The following NR3C2 variants were observed in gnomAD, a reference collection of about 807,000 sequenced individuals.
The protein encoded by NR3C2 is nuclear receptor subfamily 3 group C member 2.
In NR3C2, 15 loss-of-function variants were observed where a neutral mutation model predicts 86.4. The observed-to-expected ratio is 0.17, with a 90% CI of 0.12 to 0.27. The LOEUF is 0.27. Ranked by LOEUF, NR3C2 falls within the 10% of genes least tolerant of loss-of-function variation. NR3C2 has a pLI of 1.00. For synonymous variants in NR3C2, 458 were observed against 450.5 expected (o/e 1.02, Z -0.21); for missense variants, 960 against 1,195.6 (o/e 0.80, Z 2.91).
chr4:148,332,837 C>G (rs530619427), intron 2 of NR3C2, among the ~76,000 whole-genome samples: 19 of 152,168 alleles, frequency 1.2e-4, no homozygotes, highest in Non-Finnish European at 2.8e-4. Context: ...CCAAAGAGTT[C>G]TTTTGGAGGG....
At chr4:148,170,531 G>T (rs1735075614) in intron 4 of NR3C2, among the ~76,000 whole-genome samples, 1 of 151,952 alleles carries the variant, frequency 6.6e-6, no homozygotes, top group East Asian at 1.9e-4. Flanking sequence ...TTTTGAATCT[G>T]GCAATACCTG....
chr4:148,191,615 C>T lies in NR3C2; in HGVS notation c.2014+3131G>A, dbSNP rs200030795. On this transcript the variant is annotated intron_variant, in intron 4 of 8. Transcript: ENST00000358102. The stretch of plus-strand genomic sequence containing the variant: ...AGAATTCTCTTCTTCCTCAAGTACA[C>T]CGATTATTCTTACGTTTGGCTATTT... Among the ~76,000 whole-genome samples, 9 of 152,208 alleles carry T rather than the reference C, an allele frequency of 5.9e-5. No homozygotes were observed. In the East Asian group the frequency reaches 1.7e-3, roughly 29 times the overall value.
intron 2 of NR3C2, among the ~76,000 whole-genome samples, chr4:148,424,974 C>A (rs1157537363): frequency 6.6e-6 from 1 of 152,020 alleles, no homozygotes; most frequent in Non-Finnish European, 1.5e-5. Context: ...TGGAATATAT[C>A]ATTACCAACT....
chr4:148,216,406 A>T (rs557937416), intron 3 of NR3C2, among the ~76,000 whole-genome samples: 2 of 152,316 alleles, frequency 1.3e-5, no homozygotes, highest in African/African-American at 4.8e-5. Context: ...AAACAGTCTT[A>T]GCATCTCCAT....
intron 3 of NR3C2, among the ~76,000 whole-genome samples, chr4:148,230,075 C>T (rs1397986348): frequency 1.3e-5 from 2 of 152,212 alleles, no homozygotes; most frequent in Non-Finnish European, 2.9e-5. Context: ...GGACAATTCT[C>T]TCTCTCTTCC....
chr4:148,264,165 T>C (rs1423090936), intron 2 of NR3C2, among the ~76,000 whole-genome samples: 2 of 152,192 alleles, frequency 1.3e-5, no homozygotes, highest in Admixed American at 6.5e-5. Flanking sequence ...CAGACTATTG[T>C]CAAAAGCTCA....
rs553995203 is a variant in NR3C2 at position 148,154,701 on chromosome 4, C to T, written c.2215G>A (p.Val739Ile). 20 of 1,612,826 alleles carry T rather than the reference C, an allele frequency of 1.2e-5. No homozygotes were observed. The highest frequency in any genetic ancestry group is 5.5e-5 in the South Asian group (5 of 91,018). ...TISRALTPSP[V>I]MVLENIEPEI... The stretch of plus-strand genomic sequence containing the variant: ...GGTTCAATGTTTTCAAGGACCATAA[C>T]GGGGGAAGGTGTGAGCGCTCGTGAG... The change falls in exon 5 of 9, where the codon GTT becomes ATT. Residue 739 changes from valine (V) to isoleucine (I), a missense_variant. Around this residue, in one of 4 missense-constraint regions of NR3C2, gnomAD observed 82 missense variants for 73.0 expected, o/e 1.12. Coordinates refer to ENST00000358102, the MANE Select transcript of NR3C2 (RefSeq NM_000901.5).
Position 148,441,012 on chromosome 4 carries a change from C to G in NR3C2, c.-3+1148G>C, listed in dbSNP as rs747874162. Among the ~76,000 whole-genome samples, 7 of 152,306 alleles carry G rather than the reference C, an allele frequency of 4.6e-5. 1 individual carries two copies. Among genetic ancestry groups the G allele is most frequent in the Non-Finnish European group, 2.9e-5 (2 of 68,032 alleles). On this transcript the variant is annotated intron_variant, in intron 1 of 8. Coordinates refer to ENST00000358102, the MANE Select transcript of NR3C2 (RefSeq NM_000901.5). The stretch of plus-strand genomic sequence containing the variant: ...AGTTGTAAAAGTTCACTATATGTAA[C>G]TATTTTTTGTCATTCCCCACTACAT...
At chr4:148,357,542 A>T (rs1251344968) in intron 2 of NR3C2, among the ~76,000 whole-genome samples, 1 of 152,144 alleles carries the variant, frequency 6.6e-6, no homozygotes, top group Admixed American at 6.5e-5. Context: ...TGCAAATATA[A>T]TGCTACACAT....
intron 4 of NR3C2, among the ~76,000 whole-genome samples, chr4:148,160,635 G>A (rs1410106531): frequency 6.6e-6 from 1 of 152,132 alleles, no homozygotes; most frequent in Non-Finnish European, 1.5e-5. Context: ...TGTGATTGCA[G>A]AAATGCTTCA....
chr4:148,319,452 A>C (rs1487049987), intron 2 of NR3C2, among the ~76,000 whole-genome samples: 2 of 151,640 alleles, frequency 1.3e-5, no homozygotes, highest in Non-Finnish European at 2.9e-5. Flanking sequence ...CATTGAATCT[A>C]TAAATTACCT....
At chr4:148,159,869 T>G (rs1734576370) in intron 4 of NR3C2, among the ~76,000 whole-genome samples, 1 of 152,208 alleles carries the variant, frequency 6.6e-6, no homozygotes, top group Non-Finnish European at 1.5e-5. Flanking sequence ...CTTACCACTA[T>G]TTAGCACCTT....
chr4:148,185,723 T>G (rs1290290064), intron 4 of NR3C2, among the ~76,000 whole-genome samples: 1 of 152,200 alleles, frequency 6.6e-6, no homozygotes, highest in Non-Finnish European at 1.5e-5. Context: ...AAATAGCATA[T>G]TTTGTATGCT....
chr4:148,162,717 G>A (rs1419615778), intron 4 of NR3C2, among the ~76,000 whole-genome samples: 1 of 152,172 alleles, frequency 6.6e-6, no homozygotes. Flanking sequence ...GTGCCCTCCG[G>A]CATCTCTTAG....
At chr4:148,253,727 G>T (rs995242274) in intron 3 of NR3C2, among the ~76,000 whole-genome samples, 3 of 151,846 alleles carry the variant, frequency 2.0e-5, no homozygotes, top group East Asian at 1.9e-4. Flanking sequence ...CCTAACAATG[G>T]TTTTTTTCCC....
At chr4:148,088,680 C>G (rs1314712154) in intron 8 of NR3C2, among the ~76,000 whole-genome samples, 2 of 143,534 alleles carry the variant, frequency 1.4e-5, no homozygotes, top group Non-Finnish European at 3.0e-5. Context: ...CACATGGACA[C>G]AGGGAGGGGA....
intron 2 of NR3C2, among the ~76,000 whole-genome samples, chr4:148,399,749 A>G (rs1375182375): frequency 6.6e-6 from 1 of 151,970 alleles, no homozygotes; most frequent in Non-Finnish European, 1.5e-5. Context: ...AGATATTAAT[A>G]TTTTAGGCAT....
At chr4:148,422,765 T>C (rs1749342735) in intron 2 of NR3C2, among the ~76,000 whole-genome samples, 2 of 152,326 alleles carry the variant, frequency 1.3e-5, no homozygotes, top group South Asian at 4.1e-4. Context: ...TCTTCCTGTT[T>C]CCATTTCCTG....
At chr4:148,295,600 G>A (rs1742009466) in intron 2 of NR3C2, among the ~76,000 whole-genome samples, 2 of 150,062 alleles carry the variant, frequency 1.3e-5, no homozygotes, top group South Asian at 4.3e-4. Context: ...CTCACTGCCA[G>A]CCTCTCCACA....
Sources: gnomAD v4.1 joint callset for allele counts (sites outside exome capture counted in the v4.1 genomes callset) on GRCh38, gnomAD v4.1.1 for gene constraint, gnomAD v4.1.1 regional missense constraint, MANE v1.5 for transcripts, NCBI Gene and HGNC (gene_info 2026-07-23, HGNC 2026-07-21) for gene names.